Variants in DCDC2C observed in about 807,000 individuals in gnomAD.
DCDC2C encodes the protein doublecortin domain containing 2C.
Under a neutral mutation model 45.0 loss-of-function variants are expected in DCDC2C, and 44 were observed. The observed-to-expected ratio is 0.98, with a 90% CI of 0.77 to 1.26. DCDC2C has a LOEUF of 1.26. Ranked by LOEUF, DCDC2C falls within the 50% of genes most tolerant of loss-of-function variation. The pLI, the probability that DCDC2C is intolerant of heterozygous loss-of-function variation, is 0.00. For missense variants in DCDC2C, 447 were observed against 468.9 expected (o/e 0.95, Z 0.43); for synonymous variants, 187 against 178.8 (o/e 1.05, Z -0.37).
At chr2:3,799,722 C>T (rs1313735945) in intron 10 of DCDC2C, among the ~76,000 whole-genome samples, 4 of 152,072 alleles carry the variant, frequency 2.6e-5, no homozygotes, top group African/African-American at 7.3e-5. Context: ...GCAGTCTGCC[C>T]GTCCTCAGAT....
intron 10 of DCDC2C, among the ~76,000 whole-genome samples, chr2:3,822,595 CTA>C (rs35078338): frequency 0.28 from 41,837 of 151,024 alleles, 5,975 homozygotes; most frequent in South Asian, 0.37. Context: ...TGAATTTTCT[CTA>C]GTTTTAAAAT....
At chr2:3,750,004 C>G (rs138286556) in intron 4 of DCDC2C, among the ~76,000 whole-genome samples, 4 of 151,998 alleles carry the variant, frequency 2.6e-5, no homozygotes, top group South Asian at 2.1e-4. Context: ...CCCTCTACCC[C>G]CCTCCACCCC....
intron 9 of DCDC2C, among the ~76,000 whole-genome samples, chr2:3,782,003 G>A (rs1038158969): frequency 3.3e-5 from 5 of 152,128 alleles, no homozygotes; most frequent in Non-Finnish European, 5.9e-5. Flanking sequence ...CATTTTCAAC[G>A]TGCAGTTCAG....
intron 10 of DCDC2C, among the ~76,000 whole-genome samples, chr2:3,829,878 G>A (rs1671911261): frequency 6.6e-6 from 1 of 152,128 alleles, no homozygotes; most frequent in South Asian, 2.1e-4. Flanking sequence ...GCTTTTGATG[G>A]CTGTTATCAG....
intron 8 of DCDC2C, among the ~76,000 whole-genome samples, chr2:3,776,513 C>T (rs1257406548): frequency 1.3e-5 from 2 of 152,224 alleles, no homozygotes; most frequent in Admixed American, 1.3e-4. Flanking sequence ...CCTTGCAATG[C>T]TGTCTTCCTT....
At chr2:3,844,039 G>A (rs765764476) in intron 10 of DCDC2C, 3 of 152,040 alleles carry the variant, frequency 2.0e-5, no homozygotes, top group Admixed American at 1.3e-4. Context: ...ATTTATTGGT[G>A]ATTTTGTTTT....
intron 3 of DCDC2C, among the ~76,000 whole-genome samples, chr2:3,733,005 A>T (rs9308792): frequency 6.6e-6 from 1 of 152,104 alleles, no homozygotes; most frequent in East Asian, 1.9e-4. Context: ...GTGATCTTTC[A>T]TTAGAAATTA....
At chr2:3,844,362 C>T (rs1672278707) in intron 10 of DCDC2C, 7 of 149,460 alleles carry the variant, frequency 4.7e-5, no homozygotes. Context: ...CAGCTGTCCT[C>T]AGGACAGCCA....
chr2:3,826,474 C>G (rs1671819062), intron 10 of DCDC2C, among the ~76,000 whole-genome samples: 1 of 151,908 alleles, frequency 6.6e-6, no homozygotes, highest in African/African-American at 2.4e-5. Flanking sequence ...TTGTAAAAAT[C>G]TTTTGTAGGT....
intron 6 of DCDC2C, among the ~76,000 whole-genome samples, chr2:3,755,454 CAT>C (rs1669676202): frequency 1.0e-5 from 1 of 95,574 alleles, no homozygotes; most frequent in African/African-American, 3.7e-5. Context: ...TGTATGAATG[CAT>C]GTGTGTGTAT....
At chr2:3,747,626 G>T (rs781054966) in intron 4 of DCDC2C, among the ~76,000 whole-genome samples, 1 of 152,244 alleles carries the variant, frequency 6.6e-6, no homozygotes, top group Non-Finnish European at 1.5e-5. Flanking sequence ...CACTGGACAC[G>T]TTGGGTGTGG....
At chr2:3,788,728 T>C (rs1396992528) in intron 10 of DCDC2C, among the ~76,000 whole-genome samples, 2 of 152,166 alleles carry the variant, frequency 1.3e-5, no homozygotes, top group African/African-American at 2.4e-5. Context: ...GAGGCAACAT[T>C]CACAGCCTGT....
intron 5 of DCDC2C, 106 bp from the exon 6 acceptor site, chr2:3,754,486 T>G: frequency 8.9e-7 from 1 of 1,117,456 alleles, no homozygotes; most frequent in Non-Finnish European, 1.3e-6. Flanking sequence ...AGCTTGCTCC[T>G]CCTCGTGGTC....
chr2:3,813,343 A>G (rs980349792), intron 10 of DCDC2C, among the ~76,000 whole-genome samples: 2 of 152,130 alleles, frequency 1.3e-5, no homozygotes, highest in African/African-American at 4.8e-5. Context: ...CTGGGATTAC[A>G]GGCGTCAGCC....
At chr2:3,730,422 C>T (rs1396790988) in intron 3 of DCDC2C, among the ~76,000 whole-genome samples, 1 of 152,136 alleles carries the variant, frequency 6.6e-6, no homozygotes, top group African/African-American at 2.4e-5. Flanking sequence ...TGTCGGATTG[C>T]CACTGCTACA....
intron 2 of DCDC2C, among the ~76,000 whole-genome samples, chr2:3,725,700 G>GGAAGACGA (rs1668646225): frequency 2.0e-5 from 3 of 151,160 alleles, no homozygotes; most frequent in Non-Finnish European, 4.4e-5. Flanking sequence ...GGATCCCAGA[G>GGAAGACGA]GGAGATGAGC....
intron 4 of DCDC2C, among the ~76,000 whole-genome samples, chr2:3,751,648 G>A (rs931323787): frequency 2.0e-5 from 3 of 152,188 alleles, no homozygotes; most frequent in Admixed American, 6.5e-5. Context: ...CCAGCTCTGC[G>A]GAGGGATAGG....
intron 6 of DCDC2C, among the ~76,000 whole-genome samples, chr2:3,760,040 T>G (rs1471994359): frequency 6.6e-6 from 1 of 152,242 alleles, no homozygotes; most frequent in African/African-American, 2.4e-5. Flanking sequence ...CTCCCTTCTG[T>G]GGGTCTCAGG....
chr2:3,711,396 G>T (rs1360165429), intron 2 of DCDC2C, among the ~76,000 whole-genome samples: 1 of 151,830 alleles, frequency 6.6e-6, no homozygotes, highest in Non-Finnish European at 1.5e-5. Flanking sequence ...CAACCTAAAT[G>T]CCCATCAATG....
Sources: allele counts gnomAD v4.1 joint callset (sites outside exome capture counted in the v4.1 genomes callset), GRCh38; gene constraint gnomAD v4.1.1; transcripts MANE v1.5; gene names NCBI Gene and HGNC (gene_info 2026-07-23, HGNC 2026-07-21).